MTUS2: variants seen among roughly 807,000 people sequenced by gnomAD.
The protein encoded by MTUS2 is microtubule associated scaffold protein 2.
In MTUS2, 40 loss-of-function variants were observed where a neutral mutation model predicts 114.1. That is an observed-to-expected ratio of 0.35 (90% confidence interval 0.27 to 0.46). The LOEUF (loss-of-function observed/expected upper bound fraction) is 0.46. MTUS2 is among the 20% of genes least tolerant of loss of function. The pLI, the probability that MTUS2 is intolerant of heterozygous loss-of-function variation, is 1.00. For missense variants in MTUS2, 1,679 were observed against 1,705.4 expected (o/e 0.98, Z 0.27); for synonymous variants, 688 against 672.0 (o/e 1.02, Z -0.37).
intron 4 of MTUS2, among the ~76,000 whole-genome samples, chr13:29,074,076 T>G (rs1316128796): frequency 6.6e-6 from 1 of 152,092 alleles, no homozygotes; most frequent in African/African-American, 2.4e-5. Flanking sequence ...GCCTTGCCCC[T>G]CTCCAGCCCA....
chr13:28,924,598 G>A (rs954682005), intron 2 of MTUS2, among the ~76,000 whole-genome samples: 1 of 152,162 alleles, frequency 6.6e-6, no homozygotes, highest in African/African-American at 2.4e-5. Context: ...GCGGGGAGCT[G>A]CTGCTGCCCC....
At chr13:29,185,757 T>C (rs1894197512) in intron 5 of MTUS2, among the ~76,000 whole-genome samples, 2 of 152,216 alleles carry the variant, frequency 1.3e-5, no homozygotes, top group Non-Finnish European at 2.9e-5. Flanking sequence ...CTATCAGATA[T>C]TTCGTACAAG....
At chr13:29,245,232 G>T (rs1896877769) in intron 5 of MTUS2, among the ~76,000 whole-genome samples, 1 of 152,132 alleles carries the variant, frequency 6.6e-6, no homozygotes, top group Admixed American at 6.5e-5. Context: ...CCAGAAGGTG[G>T]TAGATAATTC....
intron 2 of MTUS2, among the ~76,000 whole-genome samples, chr13:28,937,414 C>A (rs1171297553): frequency 2.0e-5 from 3 of 152,134 alleles, no homozygotes; most frequent in Admixed American, 6.5e-5. Flanking sequence ...GCTGGCCACC[C>A]CAGCCATCAG....
intron 4 of MTUS2, among the ~76,000 whole-genome samples, chr13:29,052,111 T>C (rs180672184): frequency 6.6e-6 from 1 of 152,310 alleles, no homozygotes; most frequent in Admixed American, 6.5e-5. Flanking sequence ...TAATTGATAC[T>C]TTAATTTTAT....
chr13:29,453,942 C>G (rs1269467368), intron 9 of MTUS2, among the ~76,000 whole-genome samples: 1 of 152,162 alleles, frequency 6.6e-6, no homozygotes, highest in African/African-American at 2.4e-5. Context: ...CAAAGAACCA[C>G]TGATACCACC....
intron 5 of MTUS2, among the ~76,000 whole-genome samples, chr13:29,208,687 C>A (rs1895297219): frequency 6.6e-6 from 1 of 152,072 alleles, no homozygotes; most frequent in Admixed American, 6.5e-5. Context: ...TCATTGTTGA[C>A]CCAATGATCA....
chr13:29,418,796 G>A (rs754180293), intron 8 of MTUS2, among the ~76,000 whole-genome samples: 3 of 152,176 alleles, frequency 2.0e-5, no homozygotes, highest in African/African-American at 4.8e-5. Context: ...AAATGTCCGC[G>A]TTCTAGACCC....
At chr13:29,210,415 T>C (rs187665635) in intron 5 of MTUS2, among the ~76,000 whole-genome samples, 1 of 152,308 alleles carries the variant, frequency 6.6e-6, no homozygotes, top group East Asian at 1.9e-4. Flanking sequence ...ACTTCTGAAT[T>C]ATTTTTCTGG....
intron 4 of MTUS2, among the ~76,000 whole-genome samples, chr13:29,048,707 C>A (rs920568160): frequency 6.6e-6 from 1 of 152,198 alleles, no homozygotes; most frequent in African/African-American, 2.4e-5. Context: ...TGGGCTCAAG[C>A]AGTCCTCTTG....
intron 2 of MTUS2, among the ~76,000 whole-genome samples, chr13:28,957,580 A>C (rs1368277405): frequency 6.6e-6 from 1 of 152,188 alleles, no homozygotes; most frequent in Admixed American, 6.5e-5. Context: ...ATTACTAGTA[A>C]TCTAGAGAGG....
intron 7 of MTUS2, among the ~76,000 whole-genome samples, chr13:29,335,093 G>C (rs1025759864): frequency 1.3e-5 from 2 of 152,218 alleles, no homozygotes; most frequent in Admixed American, 1.3e-4. Flanking sequence ...AGGCGGAACA[G>C]AGCCATATTT....
intron 2 of MTUS2, among the ~76,000 whole-genome samples, chr13:29,020,528 AAGG>A (rs1399320258): frequency 6.6e-6 from 1 of 152,288 alleles, no homozygotes; most frequent in East Asian, 1.9e-4. Context: ...GAGGCCACAT[AAGG>A]AGGAGGGAAG....
chr13:29,117,921 G>A (rs989914157), intron 5 of MTUS2, among the ~76,000 whole-genome samples: 13 of 152,166 alleles, frequency 8.5e-5, no homozygotes, highest in African/African-American at 2.9e-4. Context: ...GAGCCAGGGC[G>A]GACCCTGTCC....
intron 10 of MTUS2, among the ~76,000 whole-genome samples, chr13:29,481,302 A>G (rs1257632457): frequency 1.3e-5 from 2 of 152,124 alleles, no homozygotes; most frequent in Non-Finnish European, 2.9e-5. Context: ...CACGGCAGCT[A>G]TCTTGTCCAT....
intron 2 of MTUS2, among the ~76,000 whole-genome samples, chr13:28,922,747 C>G (rs1168580175): frequency 6.6e-6 from 1 of 152,172 alleles, no homozygotes; most frequent in African/African-American, 2.4e-5. Flanking sequence ...TTCCTACCCC[C>G]CTTCAGTGCC....
intron 8 of MTUS2, among the ~76,000 whole-genome samples, chr13:29,430,736 A>G (rs933114467): frequency 6.6e-6 from 1 of 152,242 alleles, no homozygotes; most frequent in African/African-American, 2.4e-5. Context: ...CACAGGCAGT[A>G]TGCCAAAATC....
chr13:28,850,298 A>G (rs934719924), intron 2 of MTUS2, among the ~76,000 whole-genome samples: 3 of 152,226 alleles, frequency 2.0e-5, no homozygotes, highest in Non-Finnish European at 4.4e-5. Flanking sequence ...ATAGGGCCCC[A>G]TCCCAGTTTT....
chr13:28,923,399 C>A (rs1881155408), intron 2 of MTUS2, among the ~76,000 whole-genome samples: 1 of 152,166 alleles, frequency 6.6e-6, no homozygotes, highest in Admixed American at 6.5e-5. Context: ...TTTAGATCTT[C>A]CATTTTAGAA....
Sources: gnomAD v4.1 joint callset for allele counts (sites outside exome capture counted in the v4.1 genomes callset) on GRCh38, gnomAD v4.1.1 for gene constraint, MANE v1.5 for transcripts, NCBI Gene and HGNC (gene_info 2026-07-23, HGNC 2026-07-21) for gene names.